Variants in SUN1 observed in about 807,000 individuals in gnomAD.
SUN1 encodes SUN domain-containing protein 1.
In SUN1, 61 loss-of-function variants were observed where a neutral mutation model predicts 103.2. That is an observed-to-expected ratio of 0.59 (90% CI 0.48 to 0.73). SUN1 has a LOEUF of 0.73. Ranked by LOEUF, SUN1 falls within the 30% of genes least tolerant of loss-of-function variation. SUN1 has a pLI of 0.00. For synonymous variants in SUN1, 490 were observed against 425.7 expected, an observed-to-expected ratio of 1.15 and a Z score of -1.86; for missense variants, 1,052 against 1,034.6, an observed-to-expected ratio of 1.02 and a Z score of -0.23.
At chr7:849,756 C>A in intron 5 of SUN1, 1 of 1,096,036 alleles carries the variant, frequency 9.1e-7, no homozygotes, top group Non-Finnish European at 1.4e-6. Context: ...CTTAAGCCCT[C>A]ATCACAGAAG....
At chr7:841,393 G>A (rs1417008760) in intron 2 of SUN1, among the ~76,000 whole-genome samples, 2 of 151,620 alleles carry the variant, frequency 1.3e-5, no homozygotes, top group Non-Finnish European at 2.9e-5. Context: ...ACAGGCGCCC[G>A]CCAACACGCC....
chr7:852,019 G>T lies in SUN1; in HGVS notation c.827G>T (p.Trp276Leu), dbSNP rs746771853. The change falls in exon 7 of 19, where the codon TGG (tryptophan) becomes TTG (leucine). Residue 276 changes from tryptophan to leucine, a missense_variant. This residue lies in a region of SUN1 where 846 missense variants were observed against 774.5 expected (regional missense o/e 1.09). Coordinates refer to ENST00000401592, the MANE Select transcript of SUN1 (RefSeq NM_001130965.3). ...TACCAGTTTGTTACTTTGATTTCTT[G>T]GCTGAATGTGTTTCTTCTTACCAGG... ...GWYQFVTLIS[W>L]LNVFLLTRCL... The T allele has an allele frequency of 2.5e-6, 4 of 1,614,028 alleles. No individual in the cohort carries two copies. The highest frequency in any genetic ancestry group is 3.4e-6 in the Non-Finnish European group (4 of 1,179,970).
chr7:852,602 C>G lies in SUN1; in HGVS notation c.852-7C>G, dbSNP rs372242822. ...TCTAAGTCAAAGGTTTTCATTGTTA[C>G]TCCCAGGTGCCTTCGAAACATCTGC... is the stretch of plus-strand genomic sequence containing the variant. On this transcript the variant is annotated splice_polypyrimidine_tract_variant and splice_region_variant and intron_variant, in intron 7 of 18. Coordinates refer to ENST00000401592, the MANE Select transcript of SUN1 (RefSeq NM_001130965.3). The G allele has an allele frequency of 2.0e-5, 32 of 1,614,198 alleles. No homozygotes were observed. Among genetic ancestry groups the G allele is most frequent in the Middle Eastern group, 1.6e-4 (1 of 6,062 alleles).
chr7:864,395 C>T (rs971119446), intron 15 of SUN1, among the ~76,000 whole-genome samples: 14 of 148,874 alleles, frequency 9.4e-5, no homozygotes, highest in Non-Finnish European at 1.6e-4. Flanking sequence ...TAAAAAAATG[C>T]AAAAAAAAAT....
At chr7:871,715 CAG>C (rs1000054903) in intron 17 of SUN1, among the ~76,000 whole-genome samples, 5 of 152,344 alleles carry the variant, frequency 3.3e-5, no homozygotes, top group African/African-American at 1.2e-4. Flanking sequence ...TGGTGATTAT[CAG>C]AGGCAGTAGT....
chr7:828,629 C>A, upstream of SUN1, among the ~76,000 whole-genome samples: 1 of 152,316 alleles, frequency 6.6e-6, no homozygotes, highest in East Asian at 1.9e-4. Context: ...AGTTTGCAAC[C>A]TTAACAGAAG....
At chr7:854,860 T>G (rs1013773935) in intron 10 of SUN1, 60 bp from the exon 11 acceptor site, 1 of 1,323,232 alleles carries the variant, frequency 7.6e-7, no homozygotes, top group African/African-American at 1.5e-5. Flanking sequence ...TTGGCCTGAT[T>G]TGCCAGGTTT....
chr7:845,711 T>C (rs1584666103), intron 5 of SUN1, among the ~76,000 whole-genome samples: 1 of 152,262 alleles, frequency 6.6e-6, no homozygotes, highest in African/African-American at 2.4e-5. Context: ...ATGGTAATTC[T>C]CACTGTAAAG....
intron 1 of SUN1, chr7:817,138 A>C: frequency 2.6e-6 from 1 of 381,550 alleles, no homozygotes; most frequent in Non-Finnish European, 4.9e-6. Flanking sequence ...AGACGGTTTT[A>C]TTTAAGAGGG....
chr7:848,652 C>G, intron 5 of SUN1: 1 of 1,285,016 alleles, frequency 7.8e-7, no homozygotes, highest in Non-Finnish European at 1.0e-6. Flanking sequence ...TTCCACCAAT[C>G]ACACTTTCGC....
At chr7:871,447 G>A (rs1239494317) in intron 17 of SUN1, among the ~76,000 whole-genome samples, 1 of 152,062 alleles carries the variant, frequency 6.6e-6, no homozygotes, top group Non-Finnish European at 1.5e-5. Flanking sequence ...GAGTGCAGTG[G>A]CACGATCTCA....
intron 3 of SUN1, chr7:842,984 C>G: frequency 1.5e-6 from 1 of 659,904 alleles, no homozygotes; most frequent in South Asian, 2.0e-5. Flanking sequence ...GCTGTGTGTG[C>G]TGCCGTCTGT....
chr7:856,475 A>G, intron 12 of SUN1, 74 bp downstream of exon 12: 1 of 1,568,040 alleles, frequency 6.4e-7, no homozygotes, highest in Non-Finnish European at 8.8e-7. Context: ...CAGCAGAGTG[A>G]TGAATGGGGG....
intron 7 of SUN1, 108 bp downstream of exon 7, chr7:852,151 C>A: frequency 9.8e-7 from 1 of 1,016,272 alleles, no homozygotes; most frequent in Non-Finnish European, 1.5e-6. Context: ...CTTATATTTA[C>A]ATAGTGTTTG....
chr7:862,861 T>A (rs1244932697), intron 15 of SUN1, among the ~76,000 whole-genome samples: 1 of 152,218 alleles, frequency 6.6e-6, no homozygotes, highest in African/African-American at 2.4e-5. Context: ...GTTTAAAACA[T>A]CAGTTTCTGG....
intron 5 of SUN1, chr7:850,768 A>AAAAT (rs1821126312): frequency 3.8e-5 from 1 of 26,168 alleles, no homozygotes; most frequent in African/African-American, 1.3e-4. Flanking sequence ...CTCTTAAATT[A>AAAAT]AAAAAAAAAA....
At chr7:852,442 C>A (rs1005454950) in intron 7 of SUN1, 167 bp from the exon 8 acceptor site, 3 of 747,652 alleles carry the variant, frequency 4.0e-6, no homozygotes, top group Non-Finnish European at 6.6e-6. Context: ...CACCATTTTA[C>A]ATGAAGGTTC....
chr7:857,278 C>T (rs897688441), intron 12 of SUN1, among the ~76,000 whole-genome samples: 1 of 152,194 alleles, frequency 6.6e-6, no homozygotes, highest in African/African-American at 2.4e-5. Flanking sequence ...GGTGTGAGAG[C>T]TGGAGCACGG....
intron 17 of SUN1, 57 bp from the exon 18 acceptor site, chr7:872,413 T>C: frequency 6.9e-7 from 1 of 1,444,498 alleles, no homozygotes; most frequent in African/African-American, 1.4e-5. Flanking sequence ...GGAACGGTCC[T>C]CTCTGCTCAG....
Sources: allele counts gnomAD v4.1 joint callset (sites outside exome capture counted in the v4.1 genomes callset), GRCh38; gene constraint gnomAD v4.1.1; regional missense constraint gnomAD v4.1.1; transcripts MANE v1.5; gene names NCBI Gene and HGNC (gene_info 2026-07-23, HGNC 2026-07-21).